Variants in CFAP221 observed in about 807,000 individuals in gnomAD.
CFAP221 encodes the protein cilia- and flagella-associated protein 221.
CFAP221 carries 97 observed loss-of-function variants against 113.1 expected under a neutral mutation model. That is an observed-to-expected ratio of 0.86 (90% CI 0.73 to 1.02). The LOEUF (loss-of-function observed/expected upper bound fraction) is 1.02, where lower values mean the gene tolerates loss of function less well. Ranked by LOEUF, CFAP221 falls within the 50% of genes least tolerant of loss-of-function variation. The pLI is 0.00. For missense variants in CFAP221, 1,025 were observed against 1,013.4 expected (o/e 1.01, Z -0.16); for synonymous variants, 331 against 354.4 (o/e 0.93, Z 0.74).
At chr2:119,628,539 G>A (rs1031532847) in intron 16 of CFAP221, among the ~76,000 whole-genome samples, 1 of 152,174 alleles carries the variant, frequency 6.6e-6, no homozygotes, top group African/African-American at 2.4e-5. Context: ...TGAGGAAACT[G>A]AAGCACAAAT....
chr2:119,604,384 T>G (rs1247694067), intron 8 of CFAP221, among the ~76,000 whole-genome samples: 1 of 151,838 alleles, frequency 6.6e-6, no homozygotes, highest in Non-Finnish European at 1.5e-5. Context: ...CAGTGAGTCA[T>G]GATCATGCCA....
chr2:119,567,767 T>C (rs1216928652), intron 6 of CFAP221, among the ~76,000 whole-genome samples: 1 of 152,218 alleles, frequency 6.6e-6, no homozygotes, highest in East Asian at 1.9e-4. Context: ...AGACTACTGA[T>C]GTTCACAGTG....
intron 13 of CFAP221, 29 bp from the exon 14 acceptor site, chr2:119,615,582 T>C: frequency 1.4e-6 from 2 of 1,481,188 alleles, no homozygotes; most frequent in Middle Eastern, 1.7e-4. Context: ...AATTTAAATG[T>C]AAGATGTGCC....
intron 3 of CFAP221, among the ~76,000 whole-genome samples, chr2:119,558,437 T>C (rs1680981011): frequency 6.6e-6 from 1 of 152,224 alleles, no homozygotes; most frequent in Non-Finnish European, 1.5e-5. Flanking sequence ...TTAACAAGTT[T>C]CGTAAGAAAG....
intron 11 of CFAP221, 117 bp downstream of exon 11, chr2:119,605,406 A>C (rs928231251): frequency 2.8e-5 from 23 of 814,672 alleles, no homozygotes; most frequent in Non-Finnish European, 4.3e-5. Context: ...GGAGAATTTA[A>C]TGATTGTTTC....
chr2:119,635,019 TAAG>T lies in CFAP221; in HGVS notation c.1975-3237_1975-3235del, dbSNP rs113741001. 7.1e-3 allele frequency among the ~76,000 whole-genome samples: 1,075 copies of T among 152,294 alleles called. 14 individuals carry two copies. Among genetic ancestry groups the T allele is most frequent in the African/African-American group, 0.025 (1,030 of 41,562 alleles). ...TAAAAGAATTATCAGAACTCAATAA[TAAG>T]AAAGCAAACAATCCAATTTTAAAAT... On this transcript the variant is annotated intron_variant, in intron 19 of 23. Coordinates refer to ENST00000413369, the MANE Select transcript of CFAP221 (RefSeq NM_001271049.2).
chr2:119,565,197 C>G (rs1176595539), intron 6 of CFAP221, among the ~76,000 whole-genome samples: 2 of 151,124 alleles, frequency 1.3e-5, no homozygotes, highest in Non-Finnish European at 3.0e-5. Context: ...TGTTCGCTCA[C>G]TCCTCCTCAG....
rs1455907885 is a variant in CFAP221, at chr2:119,611,348, G to A, written c.1222-305G>A. ...TGAGGCAGGAGAATGGCGTGAACCCGGGAGGCGGAGCTTGCAGTGAGCCGA... is the reference window on the plus strand; with the variant it reads ...TGAGGCAGGAGAATGGCGTGAACCCAGGAGGCGGAGCTTGCAGTGAGCCGA... On this transcript the variant is annotated intron_variant, in intron 12 of 23. Transcript: ENST00000413369. 4.0e-5 allele frequency among the ~76,000 whole-genome samples: 6 copies of A among 151,108 alleles called. No individual in the cohort carries two copies. In the East Asian group the frequency reaches 9.7e-4, roughly 24 times the overall value.
chr2:119,594,175 A>G (rs1262782065), intron 7 of CFAP221, among the ~76,000 whole-genome samples: 1 of 151,632 alleles, frequency 6.6e-6, no homozygotes, highest in Non-Finnish European at 1.5e-5. Context: ...GATGAGGCAT[A>G]CTGTCTGTTT....
intron 6 of CFAP221, chr2:119,572,510 G>T: frequency 1.5e-6 from 1 of 688,344 alleles, no homozygotes; most frequent in Non-Finnish European, 2.7e-6. Flanking sequence ...GTTCTAAAAA[G>T]ATTCATGTTA....
chr2:119,563,287 A>G (rs1300947066), intron 6 of CFAP221, among the ~76,000 whole-genome samples: 3 of 152,206 alleles, frequency 2.0e-5, no homozygotes, highest in Non-Finnish European at 4.4e-5. Context: ...GTCATACTGT[A>G]TAGTTTAGGT....
At chr2:119,575,577 C>T (rs957097747) in intron 6 of CFAP221, among the ~76,000 whole-genome samples, 1 of 151,698 alleles carries the variant, frequency 6.6e-6, no homozygotes, top group African/African-American at 2.4e-5. Context: ...GGTGGTTGCC[C>T]GGGGCTGTGG....
chr2:119,611,854 T>C, intron 13 of CFAP221, 112 bp downstream of exon 13: 1 of 819,030 alleles, frequency 1.2e-6, no homozygotes, highest in East Asian at 2.7e-5. Flanking sequence ...TATTTAATAC[T>C]TTTTAATTTG....
At chr2:119,594,960 C>T (rs1244632658) in intron 7 of CFAP221, among the ~76,000 whole-genome samples, 3 of 152,234 alleles carry the variant, frequency 2.0e-5, no homozygotes, top group East Asian at 3.9e-4. Context: ...TTCAAGCCCT[C>T]TGAGAGAACA....
At chr2:119,642,937 C>T (rs954582260) in intron 21 of CFAP221, among the ~76,000 whole-genome samples, 2 of 151,766 alleles carry the variant, frequency 1.3e-5, no homozygotes, top group South Asian at 2.1e-4. Context: ...AATACCATCA[C>T]ATTGGGGGTT....
intron 16 of CFAP221, 34 bp from the exon 17 acceptor site, chr2:119,629,841 G>A: frequency 5.3e-6 from 8 of 1,520,914 alleles, no homozygotes; most frequent in Non-Finnish European, 7.3e-6. Context: ...GCTCAGTGGT[G>A]ATTGTTCTCT....
chr2:119,566,204 G>A (rs1441073550), intron 6 of CFAP221, among the ~76,000 whole-genome samples: 3 of 152,196 alleles, frequency 2.0e-5, no homozygotes, highest in African/African-American at 7.2e-5. Context: ...AAAGGAGGGT[G>A]TGGAGTAGAA....
intron 7 of CFAP221, 31 bp from the exon 8 acceptor site, chr2:119,601,187 G>A (rs115643780): frequency 6.7e-7 from 1 of 1,493,684 alleles, no homozygotes; most frequent in Non-Finnish European, 8.9e-7. Context: ...AGAAGAGAGG[G>A]TATCACATTT....
At chr2:119,659,782 C>T (rs1688554855), downstream of CFAP221, among the ~76,000 whole-genome samples, 2 of 152,302 alleles carry the variant, frequency 1.3e-5, no homozygotes, top group Middle Eastern at 6.8e-3. Flanking sequence ...TGCTTAGTGT[C>T]CTTCTCACCT....
Sources: allele counts gnomAD v4.1 joint callset (sites outside exome capture counted in the v4.1 genomes callset), GRCh38; gene constraint gnomAD v4.1.1; transcripts MANE v1.5; gene names NCBI Gene and HGNC (gene_info 2026-07-23, HGNC 2026-07-21).